KCNK9: variants seen among roughly 807,000 people sequenced by gnomAD.
KCNK9 encodes the protein potassium channel subfamily K member 9.
Under a neutral mutation model 10.8 loss-of-function variants are expected in KCNK9, and 1 was observed. That is an observed-to-expected ratio of 0.09 (90% CI 0.03 to 0.44). KCNK9 has a LOEUF of 0.44. Among genes scored for constraint, KCNK9 ranks in the 20% least tolerant of loss-of-function variants. The pLI, the probability that KCNK9 is intolerant of heterozygous loss-of-function variation, is 0.97. For missense variants in KCNK9, 303 were observed against 515.0 expected (o/e 0.59, Z 3.98); for synonymous variants, 231 against 222.7 (o/e 1.04, Z -0.33).
chr8:139,650,046 C>T (rs1304598589), intron 1 of KCNK9, among the ~76,000 whole-genome samples: 1 of 152,176 alleles, frequency 6.6e-6, no homozygotes, highest in African/African-American at 2.4e-5. Context: ...GGTGCAAAGG[C>T]CCTGTGGCAA....
chr8:139,664,026 C>T lies in KCNK9; in HGVS notation c.283+38684G>A, dbSNP rs138107072. ...GAACGCTGCGAGGGCTTGCGGCTAT[C>T]CTACAGAGGAGGAAACGGGAGCAGG... On this transcript the variant is annotated intron_variant, in intron 1 of 1. Transcript: ENST00000520439. Among the ~76,000 whole-genome samples the T allele has an allele frequency of 4.3e-3, 653 of 152,290 alleles. 5 individuals are homozygous for T. Among genetic ancestry groups the T allele is most frequent in the Non-Finnish European group, 6.9e-3 (471 of 68,038 alleles).
At chr8:139,619,236 G>A in intron 1 of KCNK9, 137 bp from the exon 2 acceptor site, 3 of 959,886 alleles carry the variant, frequency 3.1e-6, no homozygotes, top group Non-Finnish European at 4.7e-6. Context: ...CTGCAGGGTA[G>A]AGGGGCGTGG....
intron 1 of KCNK9, among the ~76,000 whole-genome samples, chr8:139,656,760 C>T (rs1268310024): frequency 6.6e-6 from 1 of 152,130 alleles, no homozygotes. Flanking sequence ...GAAGCCTAGC[C>T]CAGGCCACCG....
At chr8:139,650,628 A>G (rs1022412829) in intron 1 of KCNK9, among the ~76,000 whole-genome samples, 2 of 152,200 alleles carry the variant, frequency 1.3e-5, no homozygotes, top group Non-Finnish European at 2.9e-5. Flanking sequence ...AGGGTCCCTG[A>G]GCATCTGACT....
intron 1 of KCNK9, among the ~76,000 whole-genome samples, chr8:139,690,748 G>A (rs1335797239): frequency 6.6e-6 from 1 of 152,100 alleles, no homozygotes; most frequent in African/African-American, 2.4e-5. Context: ...GAGAGATTTG[G>A]GTTCAAGTCC....
intron 1 of KCNK9, among the ~76,000 whole-genome samples, chr8:139,659,927 A>C (rs10107009): frequency 0.24 from 36,174 of 151,902 alleles, 4,499 homozygotes; most frequent in South Asian, 0.36. Context: ...TACCAGAAAC[A>C]ATATATTGAT....
rs1817254967 is a variant in KCNK9, at chr8:139,702,575, G to A, written c.283+135C>T. 2 of 882,094 alleles carry A rather than the reference G, an allele frequency of 2.3e-6. No individual in the cohort carries two copies. Among genetic ancestry groups the A allele is most frequent in the Non-Finnish European group, 1.7e-6 (1 of 596,246 alleles). The allele number at this position is 882,094 out of a possible 1,614,324, so 54.6% of individuals were successfully genotyped here. ...AGGGGGGGCTCCCTAGAGAGGAGGG[G>A]GCGCTGCGGGAAGGCCCCCAAGGGA... On this transcript the variant is annotated intron_variant, in intron 1 of 1. Coordinates refer to ENST00000520439, the MANE Select transcript of KCNK9 (RefSeq NM_001282534.2). The surrounding 1 kb of genome is among the most constrained non-coding windows in gnomAD (Gnocchi z 7.5).
At chr8:139,649,364 T>C (rs955849750) in intron 1 of KCNK9, among the ~76,000 whole-genome samples, 2 of 152,274 alleles carry the variant, frequency 1.3e-5, no homozygotes, top group African/African-American at 2.4e-5. Context: ...ACCCGTTGAT[T>C]TGGGGGCTGG....
downstream of KCNK9, among the ~76,000 whole-genome samples, chr8:139,615,537 A>G (rs1814562071): frequency 6.6e-6 from 1 of 152,132 alleles, no homozygotes; most frequent in Non-Finnish European, 1.5e-5. Flanking sequence ...CAAAAAATGA[A>G]CATCACCAAG....
chr8:139,660,447 A>AT (rs34791987), intron 1 of KCNK9, among the ~76,000 whole-genome samples: 14,202 of 128,280 alleles, frequency 0.11, 1,051 homozygotes, highest in East Asian at 0.27. Flanking sequence ...CTGCTAAAAA[A>AT]AAATATATAT....
At chr8:139,630,487 G>A (rs984206676) in intron 1 of KCNK9, among the ~76,000 whole-genome samples, 1 of 152,160 alleles carries the variant, frequency 6.6e-6, no homozygotes, top group African/African-American at 2.4e-5. Flanking sequence ...AGCAACATCC[G>A]ACGCTCGCTG....
At chr8:139,638,458 G>A (rs985981015) in intron 1 of KCNK9, among the ~76,000 whole-genome samples, 1 of 152,188 alleles carries the variant, frequency 6.6e-6, no homozygotes, top group Non-Finnish European at 1.5e-5. Flanking sequence ...CAGAATATTT[G>A]TCTGGCCATG....
intron 1 of KCNK9, among the ~76,000 whole-genome samples, chr8:139,641,686 C>T (rs925097186): frequency 4.6e-5 from 7 of 152,180 alleles, no homozygotes; most frequent in African/African-American, 1.7e-4. Context: ...TCGCTGCCAC[C>T]TCTTCACTGA....
intron 1 of KCNK9, among the ~76,000 whole-genome samples, chr8:139,637,821 GTGA>G (rs1390037831): frequency 6.9e-6 from 1 of 144,760 alleles, no homozygotes; most frequent in Non-Finnish European, 1.5e-5. Flanking sequence ...ACTTCAGGAG[GTGA>G]TGAATATGTC....
At chr8:139,614,605 C>T (rs373742049), downstream of KCNK9, among the ~76,000 whole-genome samples, 1 of 152,226 alleles carries the variant, frequency 6.6e-6, no homozygotes, top group East Asian at 1.9e-4. Context: ...AGATCTGATA[C>T]TAGCTGTAGG....
chr8:139,700,487 C>CACAT (rs112641875), intron 1 of KCNK9, among the ~76,000 whole-genome samples: 2 of 107,736 alleles, frequency 1.9e-5, no homozygotes, highest in African/African-American at 1.3e-4. Flanking sequence ...CATACACATA[C>CACAT]ACACACACAC....
At chr8:139,654,781 A>T (rs1019641676) in intron 1 of KCNK9, among the ~76,000 whole-genome samples, 2 of 152,132 alleles carry the variant, frequency 1.3e-5, no homozygotes, top group Non-Finnish European at 2.9e-5. Flanking sequence ...CTTGTTCACC[A>T]TGCTACCCCG....
At chr8:139,635,983 C>A (rs1341057833) in intron 1 of KCNK9, among the ~76,000 whole-genome samples, 1 of 152,156 alleles carries the variant, frequency 6.6e-6, no homozygotes, top group Non-Finnish European at 1.5e-5. Flanking sequence ...ATGTCTTCAC[C>A]TTAACAGGCT....
In KCNK9 at chr8:139,657,589, C is replaced by T. The variant is rs117327636; in HGVS notation, c.284-38490G>A. On this transcript the variant is annotated intron_variant, in intron 1 of 1. Transcript: ENST00000520439. ...GCCAAAACCCCCCAGAGCCAGAGAG[C>T]AATAGCGCCTGGGAAACTGAGCTTC... 6.4e-3 allele frequency among the ~76,000 whole-genome samples: 974 copies of T among 152,266 alleles called. 9 individuals carry two copies. The highest frequency in any genetic ancestry group is 0.024 in the Middle Eastern group (7 of 294).
Sources: allele counts gnomAD v4.1 joint callset (sites outside exome capture counted in the v4.1 genomes callset), GRCh38; gene constraint gnomAD v4.1.1; non-coding constraint Gnocchi (gnomAD v3.1); transcripts MANE v1.5; gene names NCBI Gene and HGNC (gene_info 2026-07-23, HGNC 2026-07-21).